The following C10orf90 variants were observed in gnomAD, a reference collection of about 807,000 sequenced individuals.
C10orf90 encodes chromosome 10 open reading frame 90, also known as (E2-independent) E3 ubiquitin-conjugating enzyme FATS.
Under a neutral mutation model 62.5 loss-of-function variants are expected in C10orf90, and 56 were observed. The ratio of observed to expected loss-of-function variants is 0.90; its 90% CI spans 0.72 to 1.12. The LOEUF is 1.12. Ranked by LOEUF, C10orf90 falls within the 50% of genes most tolerant of loss-of-function variation. The pLI is 0.00. For synonymous variants in C10orf90, 386 were observed against 340.4 expected, an observed-to-expected ratio of 1.13 and a Z score of -1.47; for missense variants, 970 against 880.4, an observed-to-expected ratio of 1.10 and a Z score of -1.29.
intron 2 of C10orf90, among the ~76,000 whole-genome samples, chr10:126,575,614 GC>G (rs1844593667): frequency 6.6e-6 from 1 of 151,498 alleles, no homozygotes; most frequent in Non-Finnish European, 1.5e-5. Flanking sequence ...ATTCTGAATA[GC>G]CAGCCAAAGC....
chr10:126,665,043 G>A (rs750553056), intron 1 of C10orf90, among the ~76,000 whole-genome samples: 55 of 152,154 alleles, frequency 3.6e-4, no homozygotes, highest in Non-Finnish European at 7.1e-4. Flanking sequence ...GCTTCTAGGA[G>A]GAGCCCCAGC....
intron 1 of C10orf90, among the ~76,000 whole-genome samples, chr10:126,657,725 C>T (rs1846425465): frequency 6.6e-6 from 1 of 151,646 alleles, no homozygotes; most frequent in South Asian, 2.1e-4. Context: ...AAATGATTCT[C>T]CTGCCTCAGC....
intron 1 of C10orf90, among the ~76,000 whole-genome samples, chr10:126,658,969 A>G (rs1260444209): frequency 1.3e-5 from 2 of 152,182 alleles, no homozygotes; most frequent in Non-Finnish European, 2.9e-5. Context: ...CTGAACCTGA[A>G]TAAATAGCCA....
intron 2 of C10orf90, among the ~76,000 whole-genome samples, chr10:126,579,863 T>G (rs769946482): frequency 6.6e-6 from 1 of 152,128 alleles, no homozygotes; most frequent in Non-Finnish European, 1.5e-5. Flanking sequence ...AACCCCACAG[T>G]GCAAGGATTA....
chr10:126,585,261 A>AAAAG (rs1228322760), intron 2 of C10orf90, among the ~76,000 whole-genome samples: 1 of 151,114 alleles, frequency 6.6e-6, no homozygotes, highest in Admixed American at 6.6e-5. Context: ...GAGAGAGAGG[A>AAAAG]AAAGAAAGAA....
intron 2 of C10orf90, among the ~76,000 whole-genome samples, chr10:126,589,505 C>G (rs1296206219): frequency 6.6e-6 from 1 of 152,206 alleles, no homozygotes; most frequent in African/African-American, 2.4e-5. Flanking sequence ...AACAGCAGAT[C>G]TCTCAGCAGA....
chr10:126,640,528 G>C (rs1037569964), intron 2 of C10orf90, among the ~76,000 whole-genome samples: 1 of 152,218 alleles, frequency 6.6e-6, no homozygotes, highest in Non-Finnish European at 1.5e-5. Context: ...CCTACACTCA[G>C]AGCCCACGGT....
intron 4 of C10orf90, among the ~76,000 whole-genome samples, chr10:126,489,039 T>G (rs1046618824): frequency 1.3e-5 from 2 of 152,026 alleles, no homozygotes; most frequent in African/African-American, 4.8e-5. Flanking sequence ...TGTATAAACC[T>G]TTTTCCTGAT....
chr10:126,433,831 T>C (rs1426216849), intron 7 of C10orf90, among the ~76,000 whole-genome samples: 1 of 152,238 alleles, frequency 6.6e-6, no homozygotes, highest in Non-Finnish European at 1.5e-5. Flanking sequence ...AGAACCATTT[T>C]CAGCTTGCTT....
chr10:126,547,255 A>T (rs1184718217), intron 2 of C10orf90, among the ~76,000 whole-genome samples: 1 of 151,550 alleles, frequency 6.6e-6, no homozygotes. Context: ...CCATCTCTAC[A>T]AAAAATAAAA....
chr10:126,473,976 A>G (rs1474600372), intron 4 of C10orf90, among the ~76,000 whole-genome samples: 1 of 152,182 alleles, frequency 6.6e-6, no homozygotes, highest in Admixed American at 6.5e-5. Context: ...ACAAAGAACA[A>G]AAGCAAGCAG....
At chr10:126,579,926 C>T (rs1240060062) in intron 2 of C10orf90, among the ~76,000 whole-genome samples, 5 of 152,102 alleles carry the variant, frequency 3.3e-5, no homozygotes, top group African/African-American at 1.2e-4. Flanking sequence ...AATCATCAAT[C>T]TTTTATATGA....
chr10:126,591,666 T>C (rs1844982313), intron 2 of C10orf90, among the ~76,000 whole-genome samples: 1 of 152,150 alleles, frequency 6.6e-6, no homozygotes, highest in Non-Finnish European at 1.5e-5. Context: ...TCACCACTTA[T>C]ATTCAACATA....
chr10:126,650,306 T>A (rs1471389275), intron 1 of C10orf90, among the ~76,000 whole-genome samples: 3 of 152,130 alleles, frequency 2.0e-5, no homozygotes, highest in African/African-American at 7.2e-5. Flanking sequence ...ATGGAAACGG[T>A]AGTTTACCAA....
rs537550197 is a variant in C10orf90 at position 126,584,100 on chromosome 10, A to G, written c.313+62465T>C. 1.2e-3 allele frequency among the ~76,000 whole-genome samples: 182 copies of G among 152,216 alleles called. 1 individual carries two copies. The highest frequency in any genetic ancestry group is 0.01 in the Middle Eastern group (3 of 294). ...GTGCCACTGCCCTCCAGCCTGGGTG[A>G]CAGAGTAAGACTCTATCTCAGAAGA... On this transcript the variant is annotated intron_variant, in intron 2 of 9. Transcript: ENST00000488181.
chr10:126,546,126 C>T (rs1176175336), intron 2 of C10orf90, among the ~76,000 whole-genome samples: 1 of 152,138 alleles, frequency 6.6e-6, no homozygotes, highest in Non-Finnish European at 1.5e-5. Context: ...GCAAAGCCTG[C>T]TCCCTAGGAA....
chr10:126,582,663 A>G (rs1844778308), intron 2 of C10orf90, among the ~76,000 whole-genome samples: 1 of 151,832 alleles, frequency 6.6e-6, no homozygotes, highest in Non-Finnish European at 1.5e-5. Context: ...GGATGAGGAG[A>G]TATGCATCTT....
intron 4 of C10orf90, among the ~76,000 whole-genome samples, chr10:126,466,322 G>A (rs889227097): frequency 4.6e-5 from 7 of 151,750 alleles, no homozygotes; most frequent in African/African-American, 1.7e-4. Flanking sequence ...GACCATCCTG[G>A]CTAACACGGT....
rs180888812 is a variant in C10orf90 at position 126,534,208 on chromosome 10, C to T, written c.314-20269G>A. Among the ~76,000 whole-genome samples the T allele has an allele frequency of 5.2e-4, 79 of 152,310 alleles. 1 individual carries two copies. The highest frequency in any genetic ancestry group is 1.9e-3 in the African/African-American group (77 of 41,576). Reference sequence around the variant, plus strand: ...GCCAGGGTGCAGAACCCACCTCCAACCATAACACTGCAGAGCTTACCTGCT... The same window carrying T: ...GCCAGGGTGCAGAACCCACCTCCAATCATAACACTGCAGAGCTTACCTGCT... On this transcript the variant is annotated intron_variant, in intron 2 of 9. Coordinates refer to ENST00000488181, the MANE Select transcript of C10orf90 (RefSeq NM_001350921.2).
Sources: allele counts gnomAD v4.1 joint callset (sites outside exome capture counted in the v4.1 genomes callset), GRCh38; gene constraint gnomAD v4.1.1; transcripts MANE v1.5; gene names NCBI Gene and HGNC (gene_info 2026-07-23, HGNC 2026-07-21).